The following PITPNM2 variants were observed in gnomAD, a reference collection of about 807,000 sequenced individuals.
The protein encoded by PITPNM2 is phosphatidylinositol transfer protein membrane associated 2, also known as membrane-associated phosphatidylinositol transfer protein 2.
In PITPNM2, 35 loss-of-function variants were observed where a neutral mutation model predicts 132.2. That is an observed-to-expected ratio of 0.26 (90% CI 0.20 to 0.35). The LOEUF (loss-of-function observed/expected upper bound fraction) is 0.35. PITPNM2 is among the 10% of genes least tolerant of loss of function. PITPNM2 has a pLI of 1.00. For missense variants in PITPNM2, 1,332 were observed against 1,912.0 expected, an observed-to-expected ratio of 0.70 and a Z score of 5.66; for synonymous variants, 738 against 799.2, an observed-to-expected ratio of 0.92 and a Z score of 1.29.
At chr12:123,024,264 C>T (rs1592952873) in intron 3 of PITPNM2, among the ~76,000 whole-genome samples, 1 of 152,158 alleles carries the variant, frequency 6.6e-6, no homozygotes, top group Non-Finnish European at 1.5e-5. Context: ...GTTAAAAAGA[C>T]ACACAGCAGC....
intron 1 of PITPNM2, among the ~76,000 whole-genome samples, chr12:123,140,749 C>G (rs1471823433): frequency 6.6e-6 from 1 of 152,128 alleles, no homozygotes; most frequent in Non-Finnish European, 1.5e-5. Flanking sequence ...CTCCTGCTCT[C>G]TAACCTCCAG....
At chr12:123,121,799 C>T (rs990099498) in intron 1 of PITPNM2, among the ~76,000 whole-genome samples, 2 of 151,964 alleles carry the variant, frequency 1.3e-5, no homozygotes, top group African/African-American at 4.8e-5. Flanking sequence ...CCCGCCTCTG[C>T]CTCTTGAGTC....
Position 122,997,403 on chromosome 12 carries a change from G to A in PITPNM2, c.1394C>T (p.Pro465Leu), listed in dbSNP as rs750821826. The change falls in exon 11 of 26, where the codon CCC becomes CTC. Residue 465 changes from proline to leucine, a missense_variant. Coordinates refer to ENST00000320201, the MANE Select transcript of PITPNM2 (RefSeq NM_020845.3). ...VFDTVMRVHY[P>L]SALGRLAIRL... ...GATGGCAAGGCGGCCCAGGGCGCTGGGGTAGTGCACGCGCATGACGGTGTC... is the reference window on the plus strand; with the variant it reads ...GATGGCAAGGCGGCCCAGGGCGCTGAGGTAGTGCACGCGCATGACGGTGTC... 1.2e-6 allele frequency: 2 copies of A among 1,613,512 alleles called. No individual in the cohort carries two copies. The highest frequency in any genetic ancestry group is 1.3e-5 in the African/African-American group (1 of 75,068).
In PITPNM2 at chr12:123,106,564, C is replaced by T. The variant is rs1462046088; in HGVS notation, c.-96+3821G>A. 2.6e-5 allele frequency among the ~76,000 whole-genome samples: 4 copies of T among 152,146 alleles called. No homozygotes were observed. The highest frequency in any genetic ancestry group is 2.9e-5 in the Non-Finnish European group (2 of 68,016). On this transcript the variant is annotated intron_variant, in intron 2 of 25. Transcript: ENST00000320201. The surrounding 1 kb of genome is among the most constrained non-coding windows in gnomAD (Gnocchi z 4.4). ...CCAGCAATTTCTGGCTAAAGCCCTG[C>T]GTACTGAGCAGCGTCAGGTGTGTGT...
intron 5 of PITPNM2, among the ~76,000 whole-genome samples, chr12:123,011,491 GCTATGTACACCC>G (rs1401290161): frequency 6.6e-6 from 1 of 152,214 alleles, no homozygotes; most frequent in African/African-American, 2.4e-5. Flanking sequence ...TATGGGAAGA[GCTATGTACACCC>G]CAACCCCAAT....
chr12:123,041,654 C>T (rs1165057391), intron 2 of PITPNM2, among the ~76,000 whole-genome samples: 1 of 152,206 alleles, frequency 6.6e-6, no homozygotes, highest in East Asian at 1.9e-4. Context: ...CATCTCGTCT[C>T]TGCCGGAGTC....
intron 2 of PITPNM2, among the ~76,000 whole-genome samples, chr12:123,076,706 T>A (rs2136960021): frequency 6.6e-6 from 1 of 152,298 alleles, no homozygotes; most frequent in South Asian, 2.1e-4. Context: ...TGACTATGGG[T>A]TCCCTGGTAC....
Position 122,992,758 on chromosome 12 carries a change from G to T in PITPNM2, c.2234-89C>A. On this transcript the variant is annotated intron_variant, in intron 15 of 25. Transcript: ENST00000320201. This position sits in a 1 kb window ranked among gnomAD's most constrained non-coding sequence, Gnocchi z 6.5. The stretch of plus-strand genomic sequence containing the variant: ...AAATTTGGGAACTGGGCACTGGGTT[G>T]TCTGCTGAAAGTTAGGGATAAGATG... The T allele has an allele frequency of 9.3e-7, 1 of 1,076,460 alleles. No individual in the cohort carries two copies. The allele number at this position is 1,076,460 out of a possible 1,614,324, so 66.7% of individuals were successfully genotyped here.
intron 2 of PITPNM2, among the ~76,000 whole-genome samples, chr12:123,066,455 G>T (rs772000808): frequency 9.2e-5 from 14 of 152,250 alleles, no homozygotes; most frequent in Middle Eastern, 6.8e-3. Flanking sequence ...GGCTATGTAT[G>T]CCACCATCAT....
intron 2 of PITPNM2, among the ~76,000 whole-genome samples, chr12:123,042,402 T>C (rs893964590): frequency 6.6e-6 from 1 of 152,154 alleles, no homozygotes; most frequent in African/African-American, 2.4e-5. Context: ...GCACGAGAAT[T>C]GTGTTTATAG....
intron 3 of PITPNM2, among the ~76,000 whole-genome samples, chr12:123,017,497 C>A (rs12425009): frequency 5.3e-5 from 8 of 152,028 alleles, no homozygotes; most frequent in Non-Finnish European, 1.2e-4. Flanking sequence ...GATACTTGTA[C>A]ACCAAGCCTT....
intron 1 of PITPNM2, among the ~76,000 whole-genome samples, chr12:123,118,881 G>GT (rs1475593814): frequency 1.3e-5 from 2 of 152,248 alleles, no homozygotes; most frequent in East Asian, 3.8e-4. Flanking sequence ...ACTGGACATG[G>GT]TAAGTATTGT....
intron 2 of PITPNM2, among the ~76,000 whole-genome samples, chr12:123,073,196 G>A (rs771089565): frequency 3.9e-5 from 6 of 152,190 alleles, no homozygotes; most frequent in African/African-American, 1.2e-4. Flanking sequence ...TTAAATGGAT[G>A]AGCCTTTTTT....
chr12:123,029,131 C>T (rs150313315), intron 3 of PITPNM2, among the ~76,000 whole-genome samples: 14 of 152,282 alleles, frequency 9.2e-5, no homozygotes, highest in African/African-American at 2.9e-4. Context: ...GCCAGGGTGC[C>T]CTCACCTCTG....
At chr12:123,142,632 A>G (rs1490219114) in intron 1 of PITPNM2, among the ~76,000 whole-genome samples, 2 of 152,232 alleles carry the variant, frequency 1.3e-5, no homozygotes, top group Non-Finnish European at 2.9e-5. Context: ...CAGATGCACA[A>G]CACTGATGAA....
chr12:123,089,221 A>C (rs1190670292), intron 2 of PITPNM2: 1 of 152,054 alleles, frequency 6.6e-6, no homozygotes, highest in Non-Finnish European at 1.5e-5. Context: ...CCCCGAACCC[A>C]CCCTCAAACT....
intron 18 of PITPNM2, 94 bp downstream of exon 18, chr12:122,989,683 TCCCTGTTAGG>T: frequency 8.7e-7 from 1 of 1,144,358 alleles, no homozygotes; most frequent in Non-Finnish European, 1.1e-6. Flanking sequence ...AGCCCCCAGC[TCCCTGTTAGG>T]CCGAAGCGGG....
chr12:123,119,992 G>T (rs540514552), intron 1 of PITPNM2, among the ~76,000 whole-genome samples: 1 of 152,042 alleles, frequency 6.6e-6, no homozygotes, highest in African/African-American at 2.4e-5. Context: ...TGGTGAAGTC[G>T]TGTTACCTAC....
At chr12:123,079,438 T>C (rs1439648149) in intron 2 of PITPNM2, among the ~76,000 whole-genome samples, 1 of 121,284 alleles carries the variant, frequency 8.2e-6, no homozygotes, top group Non-Finnish European at 1.6e-5. Context: ...AACCTCCACC[T>C]CCTGGGCTCA....
Sources: allele counts gnomAD v4.1 joint callset (sites outside exome capture counted in the v4.1 genomes callset), GRCh38; gene constraint gnomAD v4.1.1; non-coding constraint Gnocchi (gnomAD v3.1); transcripts MANE v1.5; gene names NCBI Gene and HGNC (gene_info 2026-07-23, HGNC 2026-07-21).